Variants in UBE2E3 observed in about 807,000 individuals in gnomAD.
The protein encoded by UBE2E3 is ubiquitin conjugating enzyme E2 E3, also known as ubiquitin-conjugating enzyme E2 E3.
A neutral mutation model predicts 23.6 loss-of-function variants in UBE2E3; 5 were observed. That is an observed-to-expected ratio of 0.21 (90% CI 0.11 to 0.44). The LOEUF is 0.44. UBE2E3 is among the 20% of genes least tolerant of loss of function. UBE2E3 has a pLI of 0.99. For synonymous variants in UBE2E3, 78 were observed against 87.5 expected (o/e 0.89, Z 0.60); for missense variants, 81 against 249.8 (o/e 0.32, Z 4.55).
intron 3 of UBE2E3, among the ~76,000 whole-genome samples, chr2:181,021,632 TTTCCTTCCTTCCTTCCTTCC>T (rs544002192): frequency 2.5e-5 from 1 of 39,994 alleles, no homozygotes; most frequent in African/African-American, 9.8e-5. Context: ...CCCTCCCTTT[TTTCCTTCCTTCCTTCCTTCC>T]TTCCTTCCTT....
intron 3 of UBE2E3, among the ~76,000 whole-genome samples, chr2:181,047,815 A>G (rs947020046): frequency 4.5e-4 from 68 of 152,160 alleles, no homozygotes; most frequent in Non-Finnish European, 1.5e-4. Flanking sequence ...CAAAATGTCC[A>G]TATTAGTTTA....
rs1206207155 is a variant in UBE2E3, at chr2:181,041,234, C to CAAAAAAAAAAAAAAAAAAAAAAA, written c.246-16440_246-16439insAAAAAAAAAAAAAAAAAAAAAAA. On this transcript the variant is annotated intron_variant, in intron 3 of 5. Transcript: ENST00000410062. ...CTAACGACAGAGCAAGACTCCGTCTCAAAAAAAAAAAAAAAAAAAGATAGA... is the reference window on the plus strand; with the variant it reads ...CTAACGACAGAGCAAGACTCCGTCTCAAAAAAAAAAAAAAAAAAAAAAAAAAAAAAAAAAAAAAAAAAGATAGA... Among the ~76,000 whole-genome samples the CAAAAAAAAAAAAAAAAAAAAAAA allele has an allele frequency of 3.9e-5, 3 of 77,164 alleles. 1 individual carries two copies. The highest frequency in any genetic ancestry group is 7.1e-5 in the Non-Finnish European group (3 of 41,982). The allele number at this position is 77,164 out of a possible 152,430, so 50.6% of individuals were successfully genotyped here. A position where few individuals can be genotyped will look rare whatever the true frequency, so the allele number is the denominator to read the frequency against.
At chr2:181,016,404 A>C (rs1158602002) in intron 3 of UBE2E3, among the ~76,000 whole-genome samples, 1 of 152,136 alleles carries the variant, frequency 6.6e-6, no homozygotes, top group Non-Finnish European at 1.5e-5. Flanking sequence ...TTTATCAATA[A>C]AAATGACAGG....
chr2:181,002,759 C>G (rs1397168191), intron 3 of UBE2E3, among the ~76,000 whole-genome samples: 1 of 152,156 alleles, frequency 6.6e-6, no homozygotes, highest in African/African-American at 2.4e-5. Flanking sequence ...CTAGTGGCTA[C>G]TGTATTAGCA....
intron 3 of UBE2E3, among the ~76,000 whole-genome samples, chr2:180,991,817 G>T (rs889436468): frequency 3.8e-4 from 54 of 142,084 alleles, no homozygotes; most frequent in African/African-American, 1.3e-3. Context: ...TATGATTCAA[G>T]CCCAAGTGGA....
intron 3 of UBE2E3, among the ~76,000 whole-genome samples, chr2:181,048,322 A>T (rs62181572): frequency 0.23 from 35,347 of 152,134 alleles, 4,478 homozygotes; most frequent in Non-Finnish European, 0.28. Context: ...CCCAAATCGT[A>T]GACACTCAAT....
At chr2:181,023,398 A>G (rs564877328) in intron 3 of UBE2E3, among the ~76,000 whole-genome samples, 6 of 152,306 alleles carry the variant, frequency 3.9e-5, no homozygotes, top group South Asian at 2.1e-4. Flanking sequence ...TTCTCAAACA[A>G]TGTATATTGC....
At chr2:181,026,958 A>G (rs2105638201) in intron 3 of UBE2E3, among the ~76,000 whole-genome samples, 1 of 152,036 alleles carries the variant, frequency 6.6e-6, no homozygotes, top group South Asian at 2.1e-4. Flanking sequence ...ATAATTTTTT[A>G]TGTAGATTTT....
Position 181,057,837 on chromosome 2 carries a change from G to C in UBE2E3, c.378+12G>C, listed in dbSNP as rs1484006393. 2 of 1,610,130 alleles carry C rather than the reference G, an allele frequency of 1.2e-6. No individual in the cohort carries two copies. The highest frequency in any genetic ancestry group is 2.2e-5 in the South Asian group (2 of 90,830). On this transcript the variant is annotated intron_variant, in intron 4 of 5. Coordinates refer to ENST00000410062, the MANE Select transcript of UBE2E3 (RefSeq NM_006357.4). ...TTAAGCCACCAAAGGTAAGAAGCTT[G>C]AAGTGCATTCTTTAGTATTTAATCC...
intron 3 of UBE2E3, among the ~76,000 whole-genome samples, chr2:181,046,281 G>A (rs1420201047): frequency 4.6e-5 from 7 of 152,268 alleles, no homozygotes; most frequent in Middle Eastern, 3.4e-3. Context: ...CAGGGATTCC[G>A]TGTAGGCATT....
chr2:181,029,204 T>C (rs927296299), intron 3 of UBE2E3, among the ~76,000 whole-genome samples: 19 of 152,188 alleles, frequency 1.2e-4, no homozygotes, highest in African/African-American at 4.1e-4. Flanking sequence ...TAGTACATGA[T>C]ATAGTTTTAA....
At chr2:181,009,790 A>G (rs957616385) in intron 3 of UBE2E3, among the ~76,000 whole-genome samples, 1 of 152,130 alleles carries the variant, frequency 6.6e-6, no homozygotes. Context: ...AAAATGTACT[A>G]TTTTATGGAT....
At chr2:180,986,223 A>T (rs1684466069) in intron 3 of UBE2E3, among the ~76,000 whole-genome samples, 1 of 152,088 alleles carries the variant, frequency 6.6e-6, no homozygotes, top group South Asian at 2.1e-4. Context: ...CTTTTAATAG[A>T]TGAGTTTATG....
chr2:181,034,541 C>T (rs532345930), intron 3 of UBE2E3, among the ~76,000 whole-genome samples: 22 of 151,936 alleles, frequency 1.4e-4, no homozygotes, highest in South Asian at 2.1e-4. Flanking sequence ...GTGGGGGGAG[C>T]GGGGAGAGAT....
In UBE2E3 at chr2:180,982,016, A is replaced by T; in HGVS notation, c.-25-2A>T. ...CTCCTCCTCCCCTGTTCTCTTTAAA[A>T]GTTTTCCAAGAGATAACTTCACCAA... On this transcript the variant is annotated splice_acceptor_variant, in intron 1 of 5. Transcript: ENST00000410062. LOFTEE classifies it low-confidence loss of function (5UTR_SPLICE). 1 of 1,589,518 alleles carries T rather than the reference A, an allele frequency of 6.3e-7. No homozygotes were observed. Among genetic ancestry groups the T allele is most frequent in the Non-Finnish European group, 8.5e-7 (1 of 1,170,756 alleles).
chr2:180,994,285 T>A (rs978736321), intron 3 of UBE2E3, among the ~76,000 whole-genome samples: 7 of 152,186 alleles, frequency 4.6e-5, no homozygotes, highest in Non-Finnish European at 7.3e-5. Context: ...TTGAAACATA[T>A]GCAAAAGTAA....
intron 3 of UBE2E3, among the ~76,000 whole-genome samples, chr2:181,030,640 A>C (rs1686047121): frequency 6.6e-6 from 1 of 152,070 alleles, no homozygotes; most frequent in South Asian, 2.1e-4. Context: ...GAGTGGAATG[A>C]TCTCACTTGA....
chr2:181,060,715 C>T lies in UBE2E3; in HGVS notation c.429C>T (p.Val143=). The change falls in exon 5 of 6, where the codon GTC becomes GTT. Residue 143 remains valine (V), a synonymous_variant. Transcript: ENST00000410062. The part of the protein sequence containing the change: ...IYHCNINSQG[V]ICLDILKDNW... ...ACTGCAACATCAACAGTCAGGGAGT[C>T]ATCTGTCTGGACATCCTTAAAGACA... 1 of 1,611,158 alleles carries T rather than the reference C, an allele frequency of 6.2e-7. No homozygotes were observed.
chr2:181,040,735 A>T (rs933704469), intron 3 of UBE2E3, among the ~76,000 whole-genome samples: 1 of 152,240 alleles, frequency 6.6e-6, no homozygotes, highest in Admixed American at 6.5e-5. Flanking sequence ...ACTTTTTAGT[A>T]GCTATGGTAT....
Sources: allele counts gnomAD v4.1 joint callset (sites outside exome capture counted in the v4.1 genomes callset), GRCh38; gene constraint gnomAD v4.1.1; transcripts MANE v1.5; gene names NCBI Gene and HGNC (gene_info 2026-07-23, HGNC 2026-07-21).